The following AOPEP variants were observed in gnomAD, a reference collection of about 807,000 sequenced individuals.
The protein encoded by AOPEP is aminopeptidase O.
A neutral mutation model predicts 98.1 loss-of-function variants in AOPEP; 77 were observed. That is an observed-to-expected ratio of 0.78 (90% CI 0.65 to 0.95). AOPEP has a LOEUF of 0.95. Ranked by LOEUF, AOPEP falls within the 40% of genes least tolerant of loss-of-function variation. The pLI is 0.00. For synonymous variants in AOPEP, 346 were observed against 365.3 expected, an observed-to-expected ratio of 0.95 and a Z score of 0.60; for missense variants, 1,024 against 1,024.7, an observed-to-expected ratio of 1.00 and a Z score of 0.01.
the AOPEP span, among the ~76,000 whole-genome samples, chr9:95,139,239 C>T: frequency 3.3e-5 from 5 of 152,136 alleles, no homozygotes; most frequent in African/African-American, 9.7e-5. Flanking sequence ...AACGCACCGA[C>T]GTGGTCTCAG....
the AOPEP span, among the ~76,000 whole-genome samples, chr9:95,131,701 G>C: frequency 6.6e-6 from 1 of 152,170 alleles, no homozygotes; most frequent in African/African-American, 2.4e-5. Context: ...GTGCCGAAAA[G>C]ACTGAAAAAG....
At chr9:94,820,007 G>A (rs1485175952) in intron 5 of AOPEP, among the ~76,000 whole-genome samples, 6 of 145,948 alleles carry the variant, frequency 4.1e-5, no homozygotes, top group Admixed American at 7.1e-5. Context: ...GCACAGTGGC[G>A]CAATCTCGGC....
intron 13 of AOPEP, among the ~76,000 whole-genome samples, chr9:95,041,479 G>GTGTGTC (rs769423297): frequency 9.9e-5 from 15 of 151,652 alleles, no homozygotes; most frequent in Non-Finnish European, 2.1e-4. Context: ...GTGTGTGTGT[G>GTGTGTC]TGGAGAGGGA....
At chr9:94,846,316 G>C (rs1464566560) in intron 5 of AOPEP, among the ~76,000 whole-genome samples, 2 of 152,136 alleles carry the variant, frequency 1.3e-5, no homozygotes, top group Non-Finnish European at 2.9e-5. Context: ...CTGAGAAGTG[G>C]AAGTTATGAG....
At chr9:94,796,810 T>G (rs1282300769) in intron 4 of AOPEP, among the ~76,000 whole-genome samples, 2 of 152,222 alleles carry the variant, frequency 1.3e-5, no homozygotes, top group African/African-American at 2.4e-5. Flanking sequence ...GAAAGTTTAT[T>G]AATTTTATTC....
chr9:94,841,228 A>G (rs1446887381), intron 5 of AOPEP, among the ~76,000 whole-genome samples: 1 of 150,542 alleles, frequency 6.6e-6, no homozygotes, highest in Non-Finnish European at 1.5e-5. Context: ...CTAGATTGCA[A>G]TGGTGCGATC....
At chr9:94,804,201 T>A (rs1346578997) in intron 5 of AOPEP, among the ~76,000 whole-genome samples, 1 of 152,200 alleles carries the variant, frequency 6.6e-6, no homozygotes, top group African/African-American at 2.4e-5. Flanking sequence ...AATCATATTC[T>A]AGAACCAGGC....
intron 1 of AOPEP, among the ~76,000 whole-genome samples, chr9:94,743,609 C>T (rs745364894): frequency 1.1e-4 from 16 of 152,138 alleles, no homozygotes; most frequent in Non-Finnish European, 2.1e-4. Flanking sequence ...AATAGGAAAT[C>T]ATGAGCAACT....
intron 7 of AOPEP, among the ~76,000 whole-genome samples, chr9:94,941,122 G>A (rs2056964988): frequency 6.6e-6 from 1 of 152,242 alleles, no homozygotes; most frequent in Non-Finnish European, 1.5e-5. Flanking sequence ...GCACTTCTAA[G>A]ACTACCCTTC....
At chr9:94,917,942 T>C (rs1414834674) in intron 5 of AOPEP, among the ~76,000 whole-genome samples, 1 of 152,202 alleles carries the variant, frequency 6.6e-6, no homozygotes, top group Non-Finnish European at 1.5e-5. Flanking sequence ...TCTGCTTCTT[T>C]CCTTGTCTAC....
At chr9:94,994,220 G>A (rs1476575069) in intron 11 of AOPEP, among the ~76,000 whole-genome samples, 3 of 152,190 alleles carry the variant, frequency 2.0e-5, no homozygotes, top group African/African-American at 4.8e-5. Flanking sequence ...ACATCTGCCT[G>A]GGTTTTGCAT....
At chr9:94,756,225 G>A (rs1463368777) in intron 1 of AOPEP, among the ~76,000 whole-genome samples, 2 of 147,836 alleles carry the variant, frequency 1.4e-5, no homozygotes, top group African/African-American at 5.0e-5. Flanking sequence ...GTGCCACTGG[G>A]TGACAGAGCA....
At chr9:94,789,259 C>G (rs193171188) in intron 3 of AOPEP, among the ~76,000 whole-genome samples, 1 of 152,290 alleles carries the variant, frequency 6.6e-6, no homozygotes, top group Non-Finnish European at 1.5e-5. Context: ...GGGGAGGAAG[C>G]AAAGGTGGCC....
At chr9:95,117,385 C>A in the AOPEP span, 1 of 1,613,182 alleles carries the variant, frequency 6.2e-7, no homozygotes, top group Admixed American at 1.7e-5. Context: ...TGAGTGCAAA[C>A]CGCAGCTGCC....
intron 2 of AOPEP, chr9:94,763,221 A>C: frequency 3.0e-6 from 1 of 330,030 alleles, no homozygotes; most frequent in Non-Finnish European, 6.4e-6. Context: ...CACGTCACTT[A>C]CTGTATGCAA....
In AOPEP at chr9:95,012,989, G is replaced by C. The variant is rs1056238632; in HGVS notation, c.2115+7373G>C. ...GTAGAGTTTTCCTGTTTTTTTTTTG[G>C]GGGGGGGGGCAGGGCGATTATCTCT... On this transcript the variant is annotated intron_variant, in intron 13 of 16. Transcript: ENST00000375315. Among the ~76,000 whole-genome samples, 5 of 117,228 alleles carry C rather than the reference G, an allele frequency of 4.3e-5. 1 individual carries two copies. Among genetic ancestry groups the C allele is most frequent in the African/African-American group, 1.9e-4 (5 of 26,050 alleles). The allele number at this position is 117,228 out of a possible 152,430, so 76.9% of individuals were successfully genotyped here.
downstream of AOPEP, among the ~76,000 whole-genome samples, chr9:95,090,004 G>A (rs916334914): frequency 3.3e-5 from 5 of 152,198 alleles, no homozygotes; most frequent in Admixed American, 3.3e-4. Flanking sequence ...GCTCACAAGG[G>A]GCTTTCTTAG....
At chr9:94,974,641 CGCAGGAGCCAGGCTGTCTTCA>C (rs547970276) in intron 10 of AOPEP, among the ~76,000 whole-genome samples, 37 of 152,192 alleles carry the variant, frequency 2.4e-4, no homozygotes, top group South Asian at 6.2e-4. Flanking sequence ...AGGGCAACCA[CGCAGGAGCCAGGCTGTCTTCA>C]GCAGGAGCCA....
At chr9:94,738,286 G>C (rs987759012) in intron 1 of AOPEP, among the ~76,000 whole-genome samples, 1 of 152,158 alleles carries the variant, frequency 6.6e-6, no homozygotes, top group African/African-American at 2.4e-5. Flanking sequence ...TGGTTCACCT[G>C]GTTTCTCTAA....
Sources: allele counts gnomAD v4.1 joint callset (sites outside exome capture counted in the v4.1 genomes callset), GRCh38; gene constraint gnomAD v4.1.1; transcripts MANE v1.5; gene names NCBI Gene and HGNC (gene_info 2026-07-23, HGNC 2026-07-21).